The following ZNF536 variants were observed in gnomAD, a reference collection of about 807,000 sequenced individuals.
ZNF536 encodes the protein zinc finger protein 536.
ZNF536 carries 13 observed loss-of-function variants against 84.5 expected under a neutral mutation model. The ratio of observed to expected loss-of-function variants is 0.15; its 90% CI spans 0.10 to 0.24. ZNF536 has a LOEUF of 0.24. Among genes scored for constraint, ZNF536 ranks in the 10% least tolerant of loss-of-function variants. The pLI is 1.00. For synonymous variants in ZNF536, 811 were observed against 742.5 expected (o/e 1.09, Z -1.50); for missense variants, 1,536 against 1,747.5 (o/e 0.88, Z 2.16).
intron 1 of ZNF536, among the ~76,000 whole-genome samples, chr19:30,659,668 C>G (rs1001604512): frequency 6.6e-6 from 1 of 152,156 alleles, no homozygotes; most frequent in Non-Finnish European, 1.5e-5. Context: ...ATAAAACCAT[C>G]AGATCTTGTG....
intron 1 of ZNF536, among the ~76,000 whole-genome samples, chr19:30,626,205 T>A (rs1185586950): frequency 6.6e-6 from 1 of 152,154 alleles, no homozygotes; most frequent in Non-Finnish European, 1.5e-5. Flanking sequence ...ACAAGAATTA[T>A]GCGTGTCTGA....
intron 2 of ZNF536, among the ~76,000 whole-genome samples, chr19:30,326,257 C>T (rs992021868): frequency 2.6e-5 from 4 of 152,162 alleles, no homozygotes; most frequent in South Asian, 2.1e-4. Context: ...GGCTTGGCGT[C>T]GCTCTGCCAA....
chr19:30,332,561 G>A (rs2047248116), intron 2 of ZNF536, among the ~76,000 whole-genome samples: 1 of 152,116 alleles, frequency 6.6e-6, no homozygotes, highest in South Asian at 2.1e-4. Flanking sequence ...TCCTCAGAAA[G>A]CCGTTGTTCC....
intron 2 of ZNF536, among the ~76,000 whole-genome samples, chr19:30,461,988 A>G (rs2053159905): frequency 6.6e-6 from 1 of 152,106 alleles, no homozygotes; most frequent in Non-Finnish European, 1.5e-5. Flanking sequence ...AGAGAAAGAG[A>G]AGAAGGAGAT....
intron 2 of ZNF536, among the ~76,000 whole-genome samples, chr19:30,337,451 G>A (rs947696460): frequency 6.6e-6 from 1 of 152,086 alleles, no homozygotes; most frequent in Non-Finnish European, 1.5e-5. Flanking sequence ...CATTATAATC[G>A]AGATTAGCCT....
At chr19:30,624,431 T>C (rs995423704) in intron 1 of ZNF536, among the ~76,000 whole-genome samples, 1 of 152,178 alleles carries the variant, frequency 6.6e-6, no homozygotes, top group Non-Finnish European at 1.5e-5. Context: ...TCTAACAGTG[T>C]TGGGAAAGCC....
Position 30,548,107 on chromosome 19 carries a change from T to C in ZNF536, c.2488T>C (p.Ser830Pro), listed in dbSNP as rs774745426. Residue 830 changes from serine (S) to proline (P), a missense_variant, in exon 4 of 5, where the codon TCT becomes CCT. Physicochemically the swap from Ser to Pro is moderately conservative, Grantham distance 74. Transcript: ENST00000355537. ...CAAGGATGAGATGTCAAGCAAAGCT[T>C]CTCTGTTCATCAGGCCAGACATCCT... Reference protein sequence around the residue: ...DHKDEMSSKASLFIRPDILRG... With the variant: ...DHKDEMSSKAPLFIRPDILRG... The C allele has an allele frequency of 6.2e-7, 1 of 1,614,034 alleles. No individual in the cohort carries two copies. The highest frequency in any genetic ancestry group is 1.1e-5 in the South Asian group (1 of 91,078).
At chr19:30,492,008 G>T (rs1369847762) in intron 2 of ZNF536, among the ~76,000 whole-genome samples, 1 of 148,784 alleles carries the variant, frequency 6.7e-6, no homozygotes, top group Non-Finnish European at 1.5e-5. Context: ...ATTTTCCTTT[G>T]TCTAAGTCTA....
Position 30,691,863 on chromosome 19 carries a change from G to A in ZNF536, c.170-18894G>A, listed in dbSNP as rs990967424. Among the ~76,000 whole-genome samples, 11 of 152,320 alleles carry A rather than the reference G, an allele frequency of 7.2e-5. No homozygotes were observed. The East Asian group carries it at 1.9e-3, about 27-fold the overall frequency. On this transcript the variant is annotated intron_variant, in intron 1 of 1. Transcript: ENST00000592773. ...AAAAGTGGACAAATGAAAGGGATTC[G>A]GAAGCACAGAGGGAGAGAAAGGGCC...
chr19:30,324,267 T>A (rs972274521), intron 2 of ZNF536, among the ~76,000 whole-genome samples: 1 of 152,200 alleles, frequency 6.6e-6, no homozygotes, highest in African/African-American at 2.4e-5. Flanking sequence ...CCATCATCCA[T>A]CAATCATCCA....
At chr19:30,300,002 T>C (rs901649919) in intron 2 of ZNF536, among the ~76,000 whole-genome samples, 2 of 152,218 alleles carry the variant, frequency 1.3e-5, no homozygotes, top group African/African-American at 4.8e-5. Flanking sequence ...CATCAGTTTC[T>C]GGCAGTCAAA....
chr19:30,344,304 T>TATATATATATATATATATA (rs1460061348), intron 2 of ZNF536, among the ~76,000 whole-genome samples: 2 of 66,242 alleles, frequency 3.0e-5, no homozygotes, highest in Non-Finnish European at 2.8e-5. Flanking sequence ...CACAAATATA[T>TATATATATATATATATATA]TGGCGGCCTC....
At chr19:30,337,818 T>C (rs758992878) in intron 2 of ZNF536, among the ~76,000 whole-genome samples, 1 of 152,162 alleles carries the variant, frequency 6.6e-6, no homozygotes, top group Non-Finnish European at 1.5e-5. Flanking sequence ...CGCATGGAAG[T>C]TGAAGAACTT....
rs188514451 is a variant in ZNF536 at position 30,649,240 on chromosome 19, G to T, written c.170-61517G>T. On this transcript the variant is annotated intron_variant, in intron 1 of 1. Coordinates refer to the ZNF536 transcript ENST00000592773. ...TAATTGCTTGCACATTTCCAGAATC[G>T]GACATTCTGTCATTTAATAGACCTA... is the stretch of plus-strand genomic sequence containing the variant. Among the ~76,000 whole-genome samples, 19 of 152,254 alleles carry T rather than the reference G, an allele frequency of 1.2e-4. No homozygotes were observed. The South Asian group carries it at 3.9e-3, about 32-fold the overall frequency.
intron 3 of ZNF536, 53 bp downstream of exon 3, chr19:30,535,052 C>G (rs191745052): frequency 6.5e-7 from 1 of 1,546,784 alleles, no homozygotes; most frequent in Non-Finnish European, 8.7e-7. Flanking sequence ...AGGAGGTCCC[C>G]GTCCTGCCTG....
chr19:30,588,527 G>A (rs1267549943), intron 1 of ZNF536, among the ~76,000 whole-genome samples: 8 of 152,202 alleles, frequency 5.3e-5, no homozygotes, highest in African/African-American at 1.4e-4. Context: ...CACACAGGGA[G>A]TTGCACACAA....
chr19:30,582,375 CTTTTTTTTT>C lies in ZNF536; in HGVS notation c.169+32877_169+32885del, dbSNP rs35509271. Among the ~76,000 whole-genome samples, 196 of 89,178 alleles carry C rather than the reference CTTTTTTTTT, an allele frequency of 2.2e-3. 2 individuals are homozygous for C. In the South Asian group the frequency reaches 0.056, roughly 25 times the overall value. 58.5% of individuals were successfully genotyped at this position (89,178 alleles called of 152,430 possible). A position where few individuals can be genotyped will look rare whatever the true frequency, so the allele number is the denominator to read the frequency against. On this transcript the variant is annotated intron_variant, in intron 1 of 1. Transcript: ENST00000592773. ...GTCCTGGCTTCTCTTCCTAGTTTCT[CTTTTTTTTT>C]TTTTTTTTTTTTTTTCAGACAGGGT...
chr19:30,503,323 A>G (rs2055026018), intron 2 of ZNF536, among the ~76,000 whole-genome samples: 1 of 152,208 alleles, frequency 6.6e-6, no homozygotes, highest in Non-Finnish European at 1.5e-5. Flanking sequence ...CAAATCCTCC[A>G]ATAGAAAAAT....
intron 1 of ZNF536, among the ~76,000 whole-genome samples, chr19:30,655,917 T>C (rs1356363144): frequency 3.3e-5 from 5 of 152,162 alleles, no homozygotes; most frequent in Non-Finnish European, 7.4e-5. Context: ...TGCACACCTG[T>C]AGTCCCAGCT....
Sources: gnomAD v4.1 joint callset for allele counts (sites outside exome capture counted in the v4.1 genomes callset) on GRCh38, gnomAD v4.1.1 for gene constraint, MANE v1.5 for transcripts, NCBI Gene and HGNC (gene_info 2026-07-23, HGNC 2026-07-21) for gene names.